The following TMEM109 variants were observed in gnomAD, a reference collection of about 807,000 sequenced individuals.
TMEM109 encodes transmembrane protein 109.
Under a neutral mutation model 26.4 loss-of-function variants are expected in TMEM109, and 19 were observed. The ratio of observed to expected loss-of-function variants is 0.72; its 90% CI spans 0.50 to 1.06. The LOEUF is 1.06. Ranked by LOEUF, TMEM109 falls within the 50% of genes least tolerant of loss-of-function variation. The probability of loss-of-function intolerance (pLI) is 0.00; values close to 1 mark genes in which losing one functional copy is unlikely to be tolerated. For missense variants in TMEM109, 262 were observed against 303.4 expected (o/e 0.86, Z 1.01); for synonymous variants, 129 against 142.0 (o/e 0.91, Z 0.65).
intron 2 of TMEM109, 84 bp from the exon 3 acceptor site, chr11:60,920,797 GCAGTT>G (rs1217252341): frequency 8.7e-7 from 1 of 1,145,244 alleles, no homozygotes; most frequent in Non-Finnish European, 1.3e-6. Context: ...AGACATTCCT[GCAGTT>G]CTTGCCTGGA....
At chr11:60,915,986 G>C (rs1361154790) in intron 1 of TMEM109, among the ~76,000 whole-genome samples, 1 of 152,238 alleles carries the variant, frequency 6.6e-6, no homozygotes, top group Non-Finnish European at 1.5e-5. Context: ...CCAGAAGGCA[G>C]ATGGTCTCCT....
In TMEM109 at chr11:60,921,802, C is replaced by A; in HGVS notation, c.369C>A (p.Leu123=). 2 of 1,613,242 alleles carry A rather than the reference C, an allele frequency of 1.2e-6. No individual in the cohort carries two copies. The highest frequency in any genetic ancestry group is 1.7e-6 in the Non-Finnish European group (2 of 1,179,904). Residue 123 remains leucine (L), a synonymous_variant, in exon 4 of 4, where the codon CTC becomes CTA. Coordinates refer to ENST00000227525, the MANE Select transcript of TMEM109 (RefSeq NM_024092.3). The part of the protein sequence containing the change: ...AGDYLAQGLK[L]SPGQVQTFLL... Reference sequence around the variant, plus strand: ...ATTACCTCGCCCAGGGCCTGAAGCTCAGCCCTGGCCAGGTCCAGACCTTCC... The same window carrying A: ...ATTACCTCGCCCAGGGCCTGAAGCTAAGCCCTGGCCAGGTCCAGACCTTCC...
At chr11:60,914,525 T>G (rs1590614158) in intron 1 of TMEM109, among the ~76,000 whole-genome samples, 2 of 151,842 alleles carry the variant, frequency 1.3e-5, no homozygotes, top group East Asian at 1.9e-4. Context: ...CCGGCAGAGG[T>G]GGAGCGGCTC....
Position 60,914,508 on chromosome 11 carries a change from C to T in TMEM109, c.-9+240C>T, listed in dbSNP as rs538441224. ...GGGAGAAGAGGGTTGCGGCGAGGTTCCGAGGTCCGGCAGAGGTGGAGCGGC... is the reference window on the plus strand; with the variant it reads ...GGGAGAAGAGGGTTGCGGCGAGGTTTCGAGGTCCGGCAGAGGTGGAGCGGC... On this transcript the variant is annotated intron_variant, in intron 1 of 3. Coordinates refer to ENST00000227525, the MANE Select transcript of TMEM109 (RefSeq NM_024092.3). Among the ~76,000 whole-genome samples, 47 of 152,322 alleles carry T rather than the reference C, an allele frequency of 3.1e-4. No homozygotes were observed. In the South Asian group the frequency reaches 9.5e-3, roughly 31 times the overall value.
chr11:60,915,452 A>C (rs913462318), intron 1 of TMEM109, among the ~76,000 whole-genome samples: 2 of 152,342 alleles, frequency 1.3e-5, no homozygotes, highest in South Asian at 2.1e-4. Flanking sequence ...GCTGCTGGCT[A>C]TGCATCCGAA....
At chr11:60,916,528 G>A (rs1856176678) in intron 1 of TMEM109, among the ~76,000 whole-genome samples, 1 of 152,184 alleles carries the variant, frequency 6.6e-6, no homozygotes, top group Admixed American at 6.5e-5. Flanking sequence ...TAATAGCAGT[G>A]AGTCCATACT....
Position 60,922,429 on chromosome 11 carries a change from A to C in TMEM109, c.*264A>C. 1 of 1,458,666 alleles carries C rather than the reference A, an allele frequency of 6.9e-7. No individual in the cohort carries two copies. Among genetic ancestry groups the C allele is most frequent in the Non-Finnish European group, 9.2e-7 (1 of 1,086,496 alleles). 90.4% of individuals were successfully genotyped at this position (1,458,666 alleles called of 1,614,324 possible). ...TGCTCCCAGCCTGCCTCACCAGGGA[A>C]GGTTGGAGGGGCCTCCCTCTGGCTT... On this transcript the variant is annotated 3_prime_UTR_variant, in exon 4 of 4. Coordinates refer to ENST00000227525, the MANE Select transcript of TMEM109 (RefSeq NM_024092.3).
At chr11:60,921,737 C>T (rs1166007957) in intron 3 of TMEM109, 37 bp from the exon 4 acceptor site, 2 of 1,556,254 alleles carry the variant, frequency 1.3e-6, no homozygotes, top group South Asian at 1.1e-5. Context: ...CACCACTTCT[C>T]CAGGTTGGCT....
At chr11:60,921,042 T>A in intron 3 of TMEM109, 54 bp downstream of exon 3, 1 of 1,454,530 alleles carries the variant, frequency 6.9e-7, no homozygotes. Context: ...ACTTTCCTAC[T>A]TGTGGGAGTT....
Position 60,922,344 on chromosome 11 carries a change from T to C in TMEM109, c.*179T>C, listed in dbSNP as rs1361607436. ...AGAGAAAGACCATTCCCCCTGCCTGTCCTTGCGGCCCTGTCTTCTGAGGTT... is the reference window on the plus strand; with the variant it reads ...AGAGAAAGACCATTCCCCCTGCCTGCCCTTGCGGCCCTGTCTTCTGAGGTT... On this transcript the variant is annotated 3_prime_UTR_variant, in exon 4 of 4. Transcript: ENST00000227525. 2 of 1,535,246 alleles carry C rather than the reference T, an allele frequency of 1.3e-6. No individual in the cohort carries two copies. Among genetic ancestry groups the C allele is most frequent in the South Asian group, 2.4e-5 (2 of 83,206 alleles).
chr11:60,916,294 G>C (rs1449234737), intron 1 of TMEM109, among the ~76,000 whole-genome samples: 1 of 152,184 alleles, frequency 6.6e-6, no homozygotes, highest in African/African-American at 2.4e-5. Flanking sequence ...TAAGCACTCT[G>C]TGAATTATAA....
At chr11:60,914,296 G>A (rs1303742221) in intron 1 of TMEM109, 28 bp downstream of exon 1, 6 of 152,370 alleles carry the variant, frequency 3.9e-5, no homozygotes, top group Non-Finnish European at 8.8e-5. Context: ...TCGGAATGTG[G>A]GGCAGCGCAC....
rs148897091 is a variant in TMEM109 at position 60,921,874 on chromosome 11, G to C, written c.441G>C (p.Leu147=). The C allele has an allele frequency of 6.2e-7, 1 of 1,614,198 alleles. No individual in the cohort carries two copies. The highest frequency in any genetic ancestry group is 1.1e-5 in the South Asian group (1 of 91,088). Residue 147 remains leucine (L), a synonymous_variant, in exon 4 of 4, where the codon CTG becomes CTC. Transcript: ENST00000227525. Reference sequence around the variant, plus strand: ...TGGTCGTCTACTGGCTGCTGTCTCTGCTCCTCGGCTTGGTCTTGGCCTTGC... The same window carrying C: ...TGGTCGTCTACTGGCTGCTGTCTCTCCTCCTCGGCTTGGTCTTGGCCTTGC... ...GALVVYWLLS[L]LLGLVLALLG...
chr11:60,914,518 G>A (rs1454936303), intron 1 of TMEM109, among the ~76,000 whole-genome samples: 1 of 152,216 alleles, frequency 6.6e-6, no homozygotes, highest in East Asian at 1.9e-4. Flanking sequence ...CCGAGGTCCG[G>A]CAGAGGTGGA....
chr11:60,921,858 A>ACTGGCTGCTGTCTC lies in TMEM109; in HGVS notation c.426_439dup (p.Leu147ProfsTer22). The ACTGGCTGCTGTCTC allele has an allele frequency of 6.2e-7, 1 of 1,614,132 alleles. No individual in the cohort carries two copies. The highest frequency in any genetic ancestry group is 8.5e-7 in the Non-Finnish European group (1 of 1,180,010). ...TGGGGAGCAGGGGCCCTGGTCGTCT[A>ACTGGCTGCTGTCTC]CTGGCTGCTGTCTCTGCTCCTCGGC... is the stretch of plus-strand genomic sequence containing the variant. On this transcript the variant is annotated frameshift_variant, in exon 4 of 4. Coordinates refer to ENST00000227525, the MANE Select transcript of TMEM109 (RefSeq NM_024092.3). LOFTEE classifies it high-confidence loss of function.
intron 1 of TMEM109, 132 bp downstream of exon 1, chr11:60,914,400 C>G (rs1193520952): frequency 6.6e-6 from 1 of 152,282 alleles, no homozygotes; most frequent in Non-Finnish European, 1.5e-5. Flanking sequence ...GCCCAGCGTG[C>G]GAAACAAACC....
chr11:60,916,138 C>G (rs1032475343), intron 1 of TMEM109, among the ~76,000 whole-genome samples: 8 of 152,234 alleles, frequency 5.3e-5, no homozygotes, highest in Middle Eastern at 3.4e-3. Flanking sequence ...GATTGAGATC[C>G]TGGGTACTGG....
chr11:60,918,297 G>A (rs900424771), intron 1 of TMEM109, among the ~76,000 whole-genome samples: 2 of 152,080 alleles, frequency 1.3e-5, no homozygotes, highest in East Asian at 1.9e-4. Flanking sequence ...CACTGCCTGC[G>A]TAGTTTATAA....
chr11:60,920,434 T>C (rs1052113552), intron 2 of TMEM109, among the ~76,000 whole-genome samples: 1 of 152,194 alleles, frequency 6.6e-6, no homozygotes, highest in Non-Finnish European at 1.5e-5. Context: ...TAATATAGTA[T>C]AGCTGATAGA....
Sources: allele counts gnomAD v4.1 joint callset (sites outside exome capture counted in the v4.1 genomes callset), GRCh38; gene constraint gnomAD v4.1.1; transcripts MANE v1.5; gene names NCBI Gene and HGNC (gene_info 2026-07-23, HGNC 2026-07-21).